The following CLVS2 variants were observed in gnomAD, a reference collection of about 807,000 sequenced individuals.
CLVS2 encodes the protein clavesin-2.
CLVS2 carries 19 observed loss-of-function variants against 29.0 expected under a neutral mutation model. That is an observed-to-expected ratio of 0.66 (90% CI 0.46 to 0.96). The LOEUF (loss-of-function observed/expected upper bound fraction) is 0.96. Ranked by LOEUF, CLVS2 falls within the 40% of genes least tolerant of loss-of-function variation. CLVS2 has a pLI of 0.00. For missense variants in CLVS2, 294 were observed against 404.1 expected (o/e 0.73, Z 2.34); for synonymous variants, 161 against 151.3 (o/e 1.06, Z -0.47).
At chr6:123,042,517 C>A (rs1442635400) in intron 3 of CLVS2, among the ~76,000 whole-genome samples, 1 of 152,114 alleles carries the variant, frequency 6.6e-6, no homozygotes, top group African/African-American at 2.4e-5. Flanking sequence ...TGTGTACAAT[C>A]CCAATTTAAA....
At chr6:123,027,074 G>A (rs1250311860) in intron 3 of CLVS2, among the ~76,000 whole-genome samples, 1 of 152,140 alleles carries the variant, frequency 6.6e-6, no homozygotes, top group African/African-American at 2.4e-5. Flanking sequence ...GTATCGTAAT[G>A]AGTCTAGGCT....
intron 3 of CLVS2, among the ~76,000 whole-genome samples, chr6:123,027,535 T>A (rs568219800): frequency 6.6e-6 from 1 of 152,292 alleles, no homozygotes; most frequent in African/African-American, 2.4e-5. Context: ...ATGAGGACAT[T>A]GCCTTGCCTT....
intron 3 of CLVS2, among the ~76,000 whole-genome samples, chr6:123,029,846 T>C (rs1775058011): frequency 6.6e-6 from 1 of 152,196 alleles, no homozygotes; most frequent in Admixed American, 6.5e-5. Flanking sequence ...AAATACTGCC[T>C]GATGATGGAA....
Position 123,069,824 on chromosome 6 carries a change from A to T in CLVS2, c.*6063A>T, listed in dbSNP as rs1183646140. ...GTGAAGCAAGTTTCCACACAGAAACATCATCAAAAACACGTACCTCTGAGC... is the reference window on the plus strand; with the variant it reads ...GTGAAGCAAGTTTCCACACAGAAACTTCATCAAAAACACGTACCTCTGAGC... On this transcript the variant is annotated 3_prime_UTR_variant, in exon 6 of 6. Transcript: ENST00000275162. 2 of 151,916 alleles carry T rather than the reference A, an allele frequency of 1.3e-5. No homozygotes were observed. The highest frequency in any genetic ancestry group is 2.9e-5 in the Non-Finnish European group (2 of 67,872). 9.4% of individuals were successfully genotyped at this position (151,916 alleles called of 1,614,324 possible). A position where few individuals can be genotyped will look rare whatever the true frequency, so the allele number is the denominator to read the frequency against.
chr6:123,031,341 A>G (rs1185825346), intron 3 of CLVS2, among the ~76,000 whole-genome samples: 1 of 152,144 alleles, frequency 6.6e-6, no homozygotes, highest in African/African-American at 2.4e-5. Context: ...TTCTAACTCC[A>G]GCTCACACAT....
intron 3 of CLVS2, among the ~76,000 whole-genome samples, chr6:123,012,023 AC>A (rs1774755386): frequency 6.6e-6 from 1 of 151,884 alleles, no homozygotes; most frequent in Non-Finnish European, 1.5e-5. Flanking sequence ...ATAACTGCTG[AC>A]CTCTTAAAAG....
At position 122,997,478 on chromosome 6, in the gene CLVS2, T is replaced by G; in HGVS notation, c.-300T>G. On this transcript the variant is annotated 5_prime_UTR_variant, in exon 2 of 6. Transcript: ENST00000275162. ...GAAAGAGAAAGGACAAGAAGAGGAG[T>G]GCGGAGCCCTTCAGGGGTTCACATC... 1 of 396,420 alleles carries G rather than the reference T, an allele frequency of 2.5e-6. No homozygotes were observed. Among genetic ancestry groups the G allele is most frequent in the Non-Finnish European group, 4.8e-6 (1 of 209,700 alleles). 24.6% of individuals were successfully genotyped at this position (396,420 alleles called of 1,614,324 possible).
chr6:123,053,722 A>G (rs1022542495), intron 4 of CLVS2, among the ~76,000 whole-genome samples: 4 of 152,098 alleles, frequency 2.6e-5, no homozygotes, highest in African/African-American at 4.8e-5. Flanking sequence ...TAGGGCCGAG[A>G]GAGGTTTTAT....
chr6:123,006,915 C>T (rs1002841382), intron 2 of CLVS2, among the ~76,000 whole-genome samples: 13 of 151,886 alleles, frequency 8.6e-5, no homozygotes, highest in Admixed American at 3.3e-4. Context: ...TTTGGATGAT[C>T]GCAGCAGGGA....
chr6:123,019,607 T>G (rs541715068), intron 3 of CLVS2, among the ~76,000 whole-genome samples: 5 of 152,128 alleles, frequency 3.3e-5, no homozygotes, highest in Non-Finnish European at 7.4e-5. Context: ...CTGTGATGAG[T>G]ATTTCCAAAC....
In CLVS2 at chr6:123,071,389, C is replaced by A. The variant is rs1772946075; in HGVS notation, c.*7628C>A. The A allele has an allele frequency of 1.3e-5, 2 of 151,902 alleles. No homozygotes were observed. The highest frequency in any genetic ancestry group is 2.9e-5 in the Non-Finnish European group (2 of 67,906). The allele number at this position is 151,902 out of a possible 1,614,324, so 9.4% of individuals were successfully genotyped here. On this transcript the variant is annotated 3_prime_UTR_variant, in exon 6 of 6. Coordinates refer to ENST00000275162, the MANE Select transcript of CLVS2 (RefSeq NM_001010852.4). ...CCAATTGTGATCTCTATCCCTGAGC[C>A]TAAGTTTTACATCAGTATTTCAGTT...
intron 3 of CLVS2, among the ~76,000 whole-genome samples, chr6:123,040,129 G>T (rs1775207305): frequency 6.6e-6 from 1 of 152,140 alleles, no homozygotes; most frequent in Non-Finnish European, 1.5e-5. Flanking sequence ...TCAACTGTAG[G>T]CATAGAAAAA....
intron 3 of CLVS2, among the ~76,000 whole-genome samples, chr6:123,024,719 G>A (rs1179692602): frequency 2.6e-5 from 4 of 152,138 alleles, no homozygotes; most frequent in South Asian, 4.2e-4. Context: ...GAAAAATGGC[G>A]ATAATAAGAT....
At chr6:123,063,200 C>T (rs569280941) in intron 5 of CLVS2, among the ~76,000 whole-genome samples, 46 of 152,010 alleles carry the variant, frequency 3.0e-4, no homozygotes, top group Non-Finnish European at 5.2e-4. Flanking sequence ...TAAAAAATGA[C>T]GGTCAAAAAA....
At chr6:123,043,135 A>C (rs1490946651) in intron 3 of CLVS2, among the ~76,000 whole-genome samples, 1 of 152,190 alleles carries the variant, frequency 6.6e-6, no homozygotes, top group African/African-American at 2.4e-5. Context: ...AGCCATTACC[A>C]ATAACTATTA....
At position 123,056,700 on chromosome 6, in the gene CLVS2, G is replaced by A. The variant is rs148627207; in HGVS notation, c.896+674G>A. On this transcript the variant is annotated intron_variant, in intron 5 of 5. Transcript: ENST00000275162. Reference sequence around the variant, plus strand: ...GCCAAGTAGGTGGAGTAGAGAGAGTGCCCATTTCCACTGTTGTGGGAGCAA... The same window carrying A: ...GCCAAGTAGGTGGAGTAGAGAGAGTACCCATTTCCACTGTTGTGGGAGCAA... 2.0e-3 allele frequency among the ~76,000 whole-genome samples: 306 copies of A among 152,236 alleles called. 2 individuals are homozygous for A. The highest frequency in any genetic ancestry group is 3.2e-3 in the Non-Finnish European group (218 of 68,012).
rs1772896875 is a variant in CLVS2, at chr6:123,068,630, C to A, written c.*4869C>A. The A allele has an allele frequency of 6.6e-6, 1 of 151,514 alleles. No individual in the cohort carries two copies. The highest frequency in any genetic ancestry group is 2.4e-5 in the African/African-American group (1 of 41,356). The allele number at this position is 151,514 out of a possible 1,614,324, so 9.4% of individuals were successfully genotyped here. ...AACCAAATAGTTTTTGTTTTCAAAG[C>A]TATCCAGGAAAAATAAAAGATGTCT... On this transcript the variant is annotated 3_prime_UTR_variant, in exon 6 of 6. Transcript: ENST00000275162.
chr6:123,063,406 A>G (rs1207306508), intron 5 of CLVS2, among the ~76,000 whole-genome samples: 1 of 152,106 alleles, frequency 6.6e-6, no homozygotes, highest in African/African-American at 2.4e-5. Flanking sequence ...AACTGTGAAG[A>G]GCTCTTAAGC....
At chr6:123,011,285 C>A in intron 3 of CLVS2, 126 bp downstream of exon 3, 1 of 633,972 alleles carries the variant, frequency 1.6e-6, no homozygotes, top group Non-Finnish European at 2.5e-6. Context: ...AGTTTTTGAG[C>A]ACAAACATTA....
Sources: allele counts gnomAD v4.1 joint callset (sites outside exome capture counted in the v4.1 genomes callset), GRCh38; gene constraint gnomAD v4.1.1; transcripts MANE v1.5; gene names NCBI Gene and HGNC (gene_info 2026-07-23, HGNC 2026-07-21).